The following DGKI variants were observed in gnomAD, a reference collection of about 807,000 sequenced individuals.
DGKI encodes the protein diacylglycerol kinase iota, also known as DAG kinase iota.
Under a neutral mutation model 147.5 loss-of-function variants are expected in DGKI, and 55 were observed. The observed-to-expected ratio is 0.37, with a 90% CI of 0.30 to 0.47. The LOEUF (loss-of-function observed/expected upper bound fraction) is 0.47. Among genes scored for constraint, DGKI ranks in the 20% least tolerant of loss-of-function variants. The pLI is 1.00. For missense variants in DGKI, 1,007 were observed against 1,323.8 expected (o/e 0.76, Z 3.71); for synonymous variants, 469 against 477.1 (o/e 0.98, Z 0.22).
At chr7:137,738,348 T>C (rs1338604122) in intron 1 of DGKI, among the ~76,000 whole-genome samples, 1 of 152,140 alleles carries the variant, frequency 6.6e-6, no homozygotes, top group African/African-American at 2.4e-5. Flanking sequence ...CAATTATATG[T>C]ATAATCTAAT....
At chr7:137,430,394 G>C (rs1459999433) in intron 28 of DGKI, among the ~76,000 whole-genome samples, 1 of 146,174 alleles carries the variant, frequency 6.8e-6, no homozygotes, top group Non-Finnish European at 1.5e-5. Context: ...TCACACTCTG[G>C]GGACTATTGT....
chr7:137,679,683 T>C (rs949766430), intron 2 of DGKI, among the ~76,000 whole-genome samples: 1 of 152,042 alleles, frequency 6.6e-6, no homozygotes, highest in Non-Finnish European at 1.5e-5. Context: ...GACTAAACTG[T>C]GTCTCCTCAA....
intron 1 of DGKI, among the ~76,000 whole-genome samples, chr7:137,845,257 GGCCA>G (rs1798676273): frequency 1.3e-5 from 2 of 152,176 alleles, no homozygotes; most frequent in Non-Finnish European, 2.9e-5. Flanking sequence ...GTGGCCTCCA[GGCCA>G]GGCGATGTCT....
At chr7:137,465,361 C>A (rs1016183396) in intron 26 of DGKI, among the ~76,000 whole-genome samples, 2 of 152,126 alleles carry the variant, frequency 1.3e-5, no homozygotes, top group Non-Finnish European at 2.9e-5. Context: ...AATCGCCAAA[C>A]AATTCTCTGA....
intron 15 of DGKI, among the ~76,000 whole-genome samples, chr7:137,580,109 A>G (rs1464780173): frequency 1.3e-5 from 2 of 152,088 alleles, no homozygotes; most frequent in Non-Finnish European, 2.9e-5. Flanking sequence ...AGCTCATTGA[A>G]TGAGCTCATT....
intron 1 of DGKI, among the ~76,000 whole-genome samples, chr7:137,759,466 C>T (rs1302178689): frequency 3.9e-5 from 6 of 152,064 alleles, no homozygotes; most frequent in South Asian, 2.1e-4. Flanking sequence ...CTCAGCCTCC[C>T]GAGTAGCTGG....
chr7:137,404,463 G>A (rs182621900), intron 30 of DGKI, among the ~76,000 whole-genome samples: 5 of 152,300 alleles, frequency 3.3e-5, no homozygotes, highest in Admixed American at 3.3e-4. Flanking sequence ...TAGTAGTAAA[G>A]TGTTAAAAAT....
intron 24 of DGKI, among the ~76,000 whole-genome samples, chr7:137,467,609 A>T (rs1426408238): frequency 2.0e-5 from 3 of 152,196 alleles, no homozygotes; most frequent in Admixed American, 6.5e-5. Flanking sequence ...CAAAAAAATT[A>T]TTTAAGCATT....
At chr7:137,522,272 A>G (rs1318993931) in intron 20 of DGKI, among the ~76,000 whole-genome samples, 1 of 152,082 alleles carries the variant, frequency 6.6e-6, no homozygotes, top group Non-Finnish European at 1.5e-5. Flanking sequence ...CTTGTTACAT[A>G]ATAAATTAGA....
At chr7:137,715,437 C>G (rs1794346792) in intron 1 of DGKI, among the ~76,000 whole-genome samples, 1 of 152,224 alleles carries the variant, frequency 6.6e-6, no homozygotes, top group Non-Finnish European at 1.5e-5. Flanking sequence ...ATGTGTCAGT[C>G]TGATGGTGGA....
At chr7:137,783,120 C>G (rs950264457) in intron 1 of DGKI, among the ~76,000 whole-genome samples, 2 of 152,112 alleles carry the variant, frequency 1.3e-5, no homozygotes, top group African/African-American at 4.8e-5. Context: ...TGGATCCAAA[C>G]CAAGATGAAA....
chr7:137,777,170 C>T (rs1360777934), intron 1 of DGKI, among the ~76,000 whole-genome samples: 6 of 151,952 alleles, frequency 3.9e-5, no homozygotes, highest in East Asian at 3.9e-4. Context: ...TCAGCCCAGG[C>T]GACAGAGTGA....
intron 20 of DGKI, chr7:137,546,045 G>A: frequency 1.6e-6 from 1 of 621,392 alleles, no homozygotes; most frequent in Non-Finnish European, 3.0e-6. Context: ...GAGAGAAAGA[G>A]AGACACACAA....
At chr7:137,831,195 C>T (rs1317699030) in intron 1 of DGKI, among the ~76,000 whole-genome samples, 1 of 152,198 alleles carries the variant, frequency 6.6e-6, no homozygotes, top group Non-Finnish European at 1.5e-5. Context: ...GGCCATTCGC[C>T]AATGATATTT....
intron 4 of DGKI, 117 bp downstream of exon 4, chr7:137,656,349 T>A (rs1016765420): frequency 3.4e-5 from 36 of 1,063,984 alleles, no homozygotes; most frequent in Non-Finnish European, 5.0e-5. Flanking sequence ...ATGTTGGACT[T>A]CCAGCTTTTT....
chr7:137,845,798 C>T (rs1258132267), intron 1 of DGKI, among the ~76,000 whole-genome samples: 1 of 152,120 alleles, frequency 6.6e-6, no homozygotes, highest in Admixed American at 6.5e-5. Context: ...CCAGCGGGCT[C>T]CCCACACCCT....
chr7:137,819,752 A>G (rs370509192), intron 1 of DGKI, among the ~76,000 whole-genome samples: 9 of 152,290 alleles, frequency 5.9e-5, no homozygotes, highest in African/African-American at 2.2e-4. Context: ...AGCACTCTAC[A>G]TCATCTGACC....
At chr7:137,464,903 G>T (rs747444142) in intron 26 of DGKI, among the ~76,000 whole-genome samples, 4 of 152,082 alleles carry the variant, frequency 2.6e-5, no homozygotes, top group Non-Finnish European at 5.9e-5. Flanking sequence ...AACAATTCAG[G>T]CCCCATAGAC....
intron 12 of DGKI, among the ~76,000 whole-genome samples, chr7:137,590,018 GA>G (rs1819551063): frequency 7.3e-6 from 1 of 137,810 alleles, no homozygotes; most frequent in African/African-American, 2.7e-5. Flanking sequence ...AACAATGATA[GA>G]AAAGAAAAAA....
Sources: allele counts gnomAD v4.1 joint callset (sites outside exome capture counted in the v4.1 genomes callset), GRCh38; gene constraint gnomAD v4.1.1; transcripts MANE v1.5; gene names NCBI Gene and HGNC (gene_info 2026-07-23, HGNC 2026-07-21).